The following GABRB3 variants were observed in gnomAD, a reference collection of about 807,000 sequenced individuals.
GABRB3 encodes the protein gamma-aminobutyric acid type A receptor subunit beta3, also known as gamma-aminobutyric acid receptor subunit beta-3.
In GABRB3, 14 loss-of-function variants were observed where a neutral mutation model predicts 52.1. That is an observed-to-expected ratio of 0.27 (90% confidence interval 0.18 to 0.42). The LOEUF is 0.42. Among genes scored for constraint, GABRB3 ranks in the 10% least tolerant of loss-of-function variants. GABRB3 has a pLI of 1.00. For synonymous variants in GABRB3, 260 were observed against 232.3 expected, an observed-to-expected ratio of 1.12 and a Z score of -1.08; for missense variants, 307 against 609.1, an observed-to-expected ratio of 0.50 and a Z score of 5.22.
intron 3 of GABRB3, among the ~76,000 whole-genome samples, chr15:26,630,291 A>T (rs901606144): frequency 9.2e-5 from 14 of 152,258 alleles, no homozygotes; most frequent in African/African-American, 3.1e-4. Flanking sequence ...CTCTGGTTAT[A>T]CCGTGACAGG....
chr15:26,767,041 T>C (rs1057261688), intron 3 of GABRB3: 2 of 152,258 alleles, frequency 1.3e-5, no homozygotes, highest in African/African-American at 4.8e-5. Flanking sequence ...CTTCCATCTC[T>C]GAAGTTCATT....
At chr15:26,625,012 T>A (rs1282167403) in intron 3 of GABRB3, 2 of 969,630 alleles carry the variant, frequency 2.1e-6, no homozygotes, top group Non-Finnish European at 2.5e-6. Flanking sequence ...ATAATTATTA[T>A]CCTATATCGA....
At chr15:26,606,776 A>ACATCTATC (rs374800068) in intron 4 of GABRB3, among the ~76,000 whole-genome samples, 3 of 118,410 alleles carry the variant, frequency 2.5e-5, no homozygotes, top group Non-Finnish European at 5.4e-5. Flanking sequence ...ATCTATAGAT[A>ACATCTATC]GATAGATATA....
intron 3 of GABRB3, among the ~76,000 whole-genome samples, chr15:26,698,657 A>G (rs1302911370): frequency 6.6e-6 from 1 of 152,140 alleles, no homozygotes; most frequent in African/African-American, 2.4e-5. Flanking sequence ...ACGTTAAGAG[A>G]GGGTCTGATG....
At chr15:26,616,040 T>C (rs1400990783) in intron 4 of GABRB3, 4 of 1,289,174 alleles carry the variant, frequency 3.1e-6, no homozygotes, top group Non-Finnish European at 4.0e-6. Flanking sequence ...CCAGACCTCC[T>C]CCAGGCCAGG....
chr15:26,744,755 TA>T (rs1257035945), intron 3 of GABRB3, among the ~76,000 whole-genome samples: 1 of 152,184 alleles, frequency 6.6e-6, no homozygotes, highest in African/African-American at 2.4e-5. Flanking sequence ...AAAACTTGAA[TA>T]ATCAGTATCA....
chr15:26,564,097 C>A (rs1388329564), intron 7 of GABRB3, among the ~76,000 whole-genome samples: 1 of 152,006 alleles, frequency 6.6e-6, no homozygotes, highest in Non-Finnish European at 1.5e-5. Flanking sequence ...AAATCTGGAA[C>A]GTTTTGAGCA....
intron 8 of GABRB3, chr15:26,557,969 T>G (rs148488497): frequency 6.6e-6 from 1 of 152,346 alleles, no homozygotes; most frequent in African/African-American, 2.4e-5. Flanking sequence ...TTGACTGTTT[T>G]AAACAGTCAC....
intron 4 of GABRB3, among the ~76,000 whole-genome samples, chr15:26,587,730 A>C (rs1891045797): frequency 6.6e-6 from 1 of 152,204 alleles, no homozygotes. Context: ...GTGCACGGAG[A>C]TCAACCAAGG....
At position 26,695,638 on chromosome 15, in the gene GABRB3, T is replaced by C. The variant is rs1019134855; in HGVS notation, c.241-74104A>G. Among the ~76,000 whole-genome samples, 79 of 152,136 alleles carry C rather than the reference T, an allele frequency of 5.2e-4. 1 individual carries two copies. The highest frequency in any genetic ancestry group is 1.7e-3 in the African/African-American group (71 of 41,538). On this transcript the variant is annotated intron_variant, in intron 3 of 8. Transcript: ENST00000311550. ...AATTTACATAGGTCAGGAACTCAGA[T>C]CTGTATAAAGAAAGGGAAAGGATTA...
intron 8 of GABRB3, among the ~76,000 whole-genome samples, chr15:26,560,156 T>C (rs1595439511): frequency 1.3e-5 from 2 of 152,362 alleles, no homozygotes; most frequent in South Asian, 2.1e-4. Context: ...TAGGAAACTA[T>C]AGATGATTTT....
chr15:26,550,313 C>T (rs2140650764), intron 8 of GABRB3, among the ~76,000 whole-genome samples: 1 of 152,164 alleles, frequency 6.6e-6, no homozygotes, highest in South Asian at 2.1e-4. Context: ...ATCAAATAAT[C>T]CCATTAGAAA....
intron 7 of GABRB3, among the ~76,000 whole-genome samples, chr15:26,562,684 A>C (rs1332635491): frequency 6.6e-6 from 1 of 152,180 alleles, no homozygotes; most frequent in Non-Finnish European, 1.5e-5. Context: ...TCTGTGTCCC[A>C]CAGGGAGAAC....
intron 3 of GABRB3, among the ~76,000 whole-genome samples, chr15:26,627,770 T>C (rs980879739): frequency 6.6e-6 from 1 of 152,202 alleles, no homozygotes; most frequent in African/African-American, 2.4e-5. Context: ...GTTGTGAACA[T>C]TGTTGCAATG....
At chr15:26,590,212 T>C (rs1891143997) in intron 4 of GABRB3, 2 of 151,622 alleles carry the variant, frequency 1.3e-5, no homozygotes, top group South Asian at 2.1e-4. Flanking sequence ...CCACATGAAA[T>C]GCCGCCTTCA....
intron 3 of GABRB3, among the ~76,000 whole-genome samples, chr15:26,704,905 C>T (rs1889049534): frequency 6.6e-6 from 1 of 152,206 alleles, no homozygotes; most frequent in Non-Finnish European, 1.5e-5. Context: ...TGAGCTCTCA[C>T]CAGAATCACT....
intron 3 of GABRB3, among the ~76,000 whole-genome samples, chr15:26,660,206 G>A (rs1887497355): frequency 6.6e-6 from 1 of 151,606 alleles, no homozygotes; most frequent in Non-Finnish European, 1.5e-5. Flanking sequence ...CTCCAGCCTG[G>A]GCGACAGAGC....
chr15:26,555,731 C>T (rs377228555), intron 8 of GABRB3, among the ~76,000 whole-genome samples: 10 of 152,264 alleles, frequency 6.6e-5, no homozygotes, highest in African/African-American at 1.7e-4. Context: ...ACACTTGTAA[C>T]GGAAACAACA....
upstream of GABRB3, chr15:26,773,082 A>T: frequency 2.0e-6 from 2 of 981,572 alleles, no homozygotes; most frequent in Non-Finnish European, 2.5e-6. Context: ...GGAGCGGAGG[A>T]GGGCGGAGGG....
Sources: allele counts gnomAD v4.1 joint callset (sites outside exome capture counted in the v4.1 genomes callset), GRCh38; gene constraint gnomAD v4.1.1; transcripts MANE v1.5; gene names NCBI Gene and HGNC (gene_info 2026-07-23, HGNC 2026-07-21).